SOX5: variants seen among roughly 807,000 people sequenced by gnomAD.
SOX5 encodes the protein transcription factor SOX-5.
In SOX5, 9 loss-of-function variants were observed where a neutral mutation model predicts 92.0. The observed-to-expected ratio is 0.10, with a 90% CI of 0.06 to 0.17. SOX5 has a LOEUF of 0.17. Among genes scored for constraint, SOX5 ranks in the 10% least tolerant of loss-of-function variants. The pLI is 1.00. For missense variants in SOX5, 642 were observed against 944.5 expected (o/e 0.68, Z 4.20); for synonymous variants, 344 against 336.3 (o/e 1.02, Z -0.25).
At chr12:24,146,737 G>GAAAA (rs71059979) in intron 4 of SOX5, among the ~76,000 whole-genome samples, 3 of 119,428 alleles carry the variant, frequency 2.5e-5, no homozygotes, top group Non-Finnish European at 5.3e-5. Context: ...TGGTCAGGAG[G>GAAAA]AAAAAAAAAA....
chr12:24,370,011 A>G (rs939903067), intron 1 of SOX5, among the ~76,000 whole-genome samples: 2 of 152,220 alleles, frequency 1.3e-5, no homozygotes, highest in African/African-American at 2.4e-5. Context: ...TTCCTTCCCT[A>G]TTCCCAATAA....
intron 1 of SOX5, among the ~76,000 whole-genome samples, chr12:24,505,874 C>CGCGCATGTGTGTGTGTGT (rs368183832): frequency 6.8e-6 from 1 of 148,018 alleles, no homozygotes; most frequent in South Asian, 2.2e-4. Context: ...TGTGTGTGTG[C>CGCGCATGTGTGTGTGTGT]GCATCACTGC....
chr12:23,634,522 C>A (rs373079557), intron 8 of SOX5, among the ~76,000 whole-genome samples: 2 of 151,994 alleles, frequency 1.3e-5, no homozygotes, highest in East Asian at 1.9e-4. Context: ...AGGGAGTATG[C>A]CTTGGTAAGA....
intron 2 of SOX5, among the ~76,000 whole-genome samples, chr12:24,302,480 C>G (rs776860894): frequency 2.0e-5 from 3 of 151,994 alleles, no homozygotes; most frequent in Non-Finnish European, 2.9e-5. Context: ...AGTTTCAAGA[C>G]CTTGCTTCTT....
chr12:24,349,874 C>A (rs1488665893), intron 2 of SOX5, among the ~76,000 whole-genome samples: 1 of 152,158 alleles, frequency 6.6e-6, no homozygotes, highest in East Asian at 1.9e-4. Flanking sequence ...TGTTAGACAG[C>A]AGCTATATCA....
At chr12:24,221,467 T>C (rs1297862834) in intron 3 of SOX5, among the ~76,000 whole-genome samples, 1 of 152,238 alleles carries the variant, frequency 6.6e-6, no homozygotes, top group Admixed American at 6.5e-5. Context: ...CATGTGTAAA[T>C]TCTTCTTTTT....
At chr12:23,674,360 G>A (rs1182038762) in intron 6 of SOX5, among the ~76,000 whole-genome samples, 8 of 13,876 alleles carry the variant, frequency 5.8e-4, no homozygotes, top group African/African-American at 1.8e-3. Flanking sequence ...TTTTTGAGAC[G>A]GAGTTTCGCT....
chr12:24,104,697 C>A (rs1946476231), intron 4 of SOX5, among the ~76,000 whole-genome samples: 1 of 152,152 alleles, frequency 6.6e-6, no homozygotes, highest in Admixed American at 6.5e-5. Context: ...CTGGCCCCAG[C>A]AACAGAAACA....
chr12:24,256,655 G>A lies in SOX5; in HGVS notation c.-77+20561C>T, dbSNP rs572665234. On this transcript the variant is annotated intron_variant, in intron 3 of 4. Coordinates refer to the SOX5 transcript ENST00000446891. ...CAGAGAGAGAGGGAGTGAGAGAGAA[G>A]AGGGGCAGGGTGGGTGGGGAATGAC... 2.3e-3 allele frequency among the ~76,000 whole-genome samples: 339 copies of A among 150,230 alleles called. 2 individuals carry two copies. The highest frequency in any genetic ancestry group is 8.1e-3 in the African/African-American group (328 of 40,712).
At chr12:23,911,800 C>G (rs189168423) in intron 1 of SOX5, among the ~76,000 whole-genome samples, 15 of 152,182 alleles carry the variant, frequency 9.9e-5, no homozygotes, top group Non-Finnish European at 1.5e-5. Flanking sequence ...AAACAACACA[C>G]TATTGGACCG....
At chr12:24,091,306 A>G (rs889966115) in intron 4 of SOX5, among the ~76,000 whole-genome samples, 1 of 152,216 alleles carries the variant, frequency 6.6e-6, no homozygotes, top group South Asian at 2.1e-4. Context: ...TATTATTGTC[A>G]TATACTGTAT....
chr12:23,999,644 A>G (rs1257099555), intron 4 of SOX5, among the ~76,000 whole-genome samples: 1 of 152,086 alleles, frequency 6.6e-6, no homozygotes, highest in Non-Finnish European at 1.5e-5. Flanking sequence ...TTTTACTTTA[A>G]AAAAGTCTTT....
chr12:24,068,471 T>C (rs1454754980), intron 4 of SOX5, among the ~76,000 whole-genome samples: 1 of 151,806 alleles, frequency 6.6e-6, no homozygotes, highest in African/African-American at 2.4e-5. Context: ...CTATAGTATA[T>C]ACTGTGATGA....
intron 2 of SOX5, among the ~76,000 whole-genome samples, chr12:23,884,968 A>G (rs548217666): frequency 1.3e-5 from 2 of 152,360 alleles, no homozygotes; most frequent in African/African-American, 4.8e-5. Flanking sequence ...GCTATAAGAT[A>G]TATTCAACAA....
At chr12:23,999,332 CAA>C (rs779709189) in intron 4 of SOX5, among the ~76,000 whole-genome samples, 1 of 151,884 alleles carries the variant, frequency 6.6e-6, no homozygotes, top group Non-Finnish European at 1.5e-5. Flanking sequence ...AGATTTTGAC[CAA>C]AGAGTATAAC....
chr12:24,262,664 T>C (rs1565779467), intron 3 of SOX5, among the ~76,000 whole-genome samples: 1 of 152,186 alleles, frequency 6.6e-6, no homozygotes, highest in Non-Finnish European at 1.5e-5. Context: ...GCATTCTTCC[T>C]TTCACTGGAG....
intron 2 of SOX5, among the ~76,000 whole-genome samples, chr12:24,364,397 T>C (rs1172794616): frequency 6.6e-6 from 1 of 151,630 alleles, no homozygotes; most frequent in Non-Finnish European, 1.5e-5. Flanking sequence ...TGATGCTCTA[T>C]CTTCTGTCCT....
intron 4 of SOX5, among the ~76,000 whole-genome samples, chr12:24,142,453 A>C (rs1354999295): frequency 6.6e-6 from 1 of 152,016 alleles, no homozygotes; most frequent in Non-Finnish European, 1.5e-5. Context: ...TGTGTATAGA[A>C]ACATGGTCTA....
intron 5 of SOX5, among the ~76,000 whole-genome samples, chr12:23,738,760 C>CTGGGG (rs1200246438): frequency 2.0e-5 from 3 of 152,194 alleles, no homozygotes; most frequent in Non-Finnish European, 2.9e-5. Context: ...AGCCAAGCTA[C>CTGGGG]ATTTTCTGAA....
Sources: gnomAD v4.1 joint callset for allele counts (sites outside exome capture counted in the v4.1 genomes callset) on GRCh38, gnomAD v4.1.1 for gene constraint, MANE v1.5 for transcripts, NCBI Gene and HGNC (gene_info 2026-07-23, HGNC 2026-07-21) for gene names.